ATP11B: variants seen among roughly 807,000 people sequenced by gnomAD.
ATP11B encodes the protein ATPase phospholipid transporting 11B (putative), also known as phospholipid-transporting ATPase IF.
A neutral mutation model predicts 157.8 loss-of-function variants in ATP11B; 81 were observed. That is an observed-to-expected ratio of 0.51 (90% CI 0.43 to 0.62). ATP11B has a LOEUF of 0.62. ATP11B is among the 20% of genes least tolerant of loss of function. The pLI, the probability that ATP11B is intolerant of heterozygous loss-of-function variation, is 0.00. For missense variants in ATP11B, 1,165 were observed against 1,402.2 expected (o/e 0.83, Z 2.70); for synonymous variants, 451 against 469.4 (o/e 0.96, Z 0.51).
chr3:182,859,420 G>C, intron 12 of ATP11B, 61 bp downstream of exon 12: 1 of 1,383,578 alleles, frequency 7.2e-7, no homozygotes, highest in East Asian at 2.5e-5. Flanking sequence ...GCAATACATG[G>C]ACAAAGATTA....
intron 15 of ATP11B, 135 bp downstream of exon 15, chr3:182,867,579 C>CT (rs386398716): frequency 0.15 from 22,096 of 152,176 alleles, 1,570 homozygotes; most frequent in African/African-American, 0.21. Flanking sequence ...AGTCACATTA[C>CT]TTTTTTTTTT....
intron 1 of ATP11B, among the ~76,000 whole-genome samples, chr3:182,820,014 T>G (rs914672816): frequency 1.5e-4 from 23 of 152,252 alleles, no homozygotes; most frequent in Admixed American, 1.4e-3. Flanking sequence ...CTGGAGATAA[T>G]GTACCTGTTT....
chr3:182,877,673 G>A (rs977662368), intron 19 of ATP11B, among the ~76,000 whole-genome samples: 5 of 152,014 alleles, frequency 3.3e-5, no homozygotes, highest in African/African-American at 1.2e-4. Context: ...GGGGCAGTGC[G>A]TGCAGATTCC....
chr3:182,915,968 G>T (rs1725114843), intron 29 of ATP11B: 1 of 983,528 alleles, frequency 1.0e-6, no homozygotes, highest in South Asian at 4.7e-5. Context: ...TTATATTATT[G>T]GTTACTATTA....
intron 8 of ATP11B, among the ~76,000 whole-genome samples, chr3:182,845,129 T>A (rs1373416198): frequency 6.6e-6 from 1 of 151,964 alleles, no homozygotes. Flanking sequence ...CTTAGCCTCC[T>A]GAGTAGCTGG....
intron 19 of ATP11B, among the ~76,000 whole-genome samples, chr3:182,878,271 A>G (rs1722183632): frequency 6.6e-6 from 1 of 152,226 alleles, no homozygotes; most frequent in South Asian, 2.1e-4. Context: ...AAATCTATCA[A>G]TATATGTTTA....
intron 21 of ATP11B, among the ~76,000 whole-genome samples, chr3:182,882,929 A>G (rs573599592): frequency 6.6e-6 from 1 of 152,312 alleles, no homozygotes; most frequent in Non-Finnish European, 1.5e-5. Flanking sequence ...ATGTATGAAA[A>G]AAATGTTTAG....
intron 2 of ATP11B, among the ~76,000 whole-genome samples, chr3:182,822,435 A>G (rs1717423493): frequency 6.6e-6 from 1 of 152,214 alleles, no homozygotes; most frequent in South Asian, 2.1e-4. Context: ...TGTCCCTGCA[A>G]AGGACATGAA....
In ATP11B at chr3:182,806,305, A is replaced by G. The variant is rs151115352; in HGVS notation, c.27+12519A>G. On this transcript the variant is annotated intron_variant, in intron 1 of 29. Coordinates refer to ENST00000323116, the MANE Select transcript of ATP11B (RefSeq NM_014616.3). ...TTTTAAGATTATCTTTGTCCTTGAT[A>G]TTTTGTAATTTTACTGTGATGTATC... Among the ~76,000 whole-genome samples the G allele has an allele frequency of 8.4e-4, 128 of 152,182 alleles. 2 individuals carry two copies. In the East Asian group the frequency reaches 0.019, roughly 23 times the overall value.
At chr3:182,864,676 G>A (rs1721094471) in intron 12 of ATP11B, among the ~76,000 whole-genome samples, 1 of 151,784 alleles carries the variant, frequency 6.6e-6, no homozygotes, top group Admixed American at 6.6e-5. Flanking sequence ...TCTTTATAAG[G>A]GATGTTGATC....
At chr3:182,852,134 TA>T (rs1720026305) in intron 10 of ATP11B, among the ~76,000 whole-genome samples, 1 of 152,168 alleles carries the variant, frequency 6.6e-6, no homozygotes, top group South Asian at 2.1e-4. Flanking sequence ...AATCTGCAAA[TA>T]TTTTGAAATT....
chr3:182,914,506 A>G (rs1380025213), intron 29 of ATP11B: 4 of 985,034 alleles, frequency 4.1e-6, no homozygotes, highest in Non-Finnish European at 4.8e-6. Flanking sequence ...CTGCTCCCCT[A>G]CCTCTTCTTA....
rs776646268 is a variant in ATP11B at position 182,889,521 on chromosome 3, A to G, written c.2955A>G (p.Lys985=). ...FFFGSYLLIG[K]DTSLLGNGQM... is the part of the protein sequence containing the mutation. Reference sequence around the variant, plus strand: ...TTGGATCCTATTTACTAATAGGGAAAGATACATCTCTGCTTGGAAATGGCC... The same window carrying G: ...TTGGATCCTATTTACTAATAGGGAAGGATACATCTCTGCTTGGAAATGGCC... Residue 985 remains lysine, a synonymous_variant, in exon 25 of 30, where the codon AAA becomes AAG. Transcript: ENST00000323116. 10 of 1,564,268 alleles carry G rather than the reference A, an allele frequency of 6.4e-6. No individual in the cohort carries two copies. The highest frequency in any genetic ancestry group is 4.8e-5 in the East Asian group (2 of 41,800).
At chr3:182,824,580 T>C (rs1717592483) in intron 2 of ATP11B, among the ~76,000 whole-genome samples, 1 of 152,226 alleles carries the variant, frequency 6.6e-6, no homozygotes, top group Non-Finnish European at 1.5e-5. Flanking sequence ...TTGTCAATAG[T>C]GGAAACTGAG....
chr3:182,918,339 C>A lies in ATP11B; in HGVS notation c.*235C>A. On this transcript the variant is annotated 3_prime_UTR_variant, in exon 30 of 30. Transcript: ENST00000323116. The stretch of plus-strand genomic sequence containing the variant: ...TTGAGAATAAAGAGACATTTTTCAT[C>A]TCTTTGTCTGGTTTGTCCCTTGTGC... 1 of 504,256 alleles carries A rather than the reference C, an allele frequency of 2.0e-6. No individual in the cohort carries two copies. The highest frequency in any genetic ancestry group is 3.2e-5 in the East Asian group (1 of 30,864). The allele number at this position is 504,256 out of a possible 1,614,324, so 31.2% of individuals were successfully genotyped here. A position where few individuals can be genotyped will look rare whatever the true frequency, so the allele number is the denominator to read the frequency against.
chr3:182,802,227 C>A (rs1303457289), intron 1 of ATP11B, among the ~76,000 whole-genome samples: 1 of 152,174 alleles, frequency 6.6e-6, no homozygotes, highest in Non-Finnish European at 1.5e-5. Flanking sequence ...CTACTGCTAC[C>A]TCTTACCTAG....
chr3:182,861,921 GCAA>G (rs1228245767), intron 12 of ATP11B, among the ~76,000 whole-genome samples: 1 of 142,232 alleles, frequency 7.0e-6, no homozygotes, highest in East Asian at 2.0e-4. Flanking sequence ...TCCAGCCTGG[GCAA>G]CAGAGTGAGA....
chr3:182,874,715 T>C (rs1281034544), intron 19 of ATP11B, among the ~76,000 whole-genome samples: 1 of 152,222 alleles, frequency 6.6e-6, no homozygotes, highest in Non-Finnish European at 1.5e-5. Context: ...ACATTTGCAA[T>C]GTTAACTTTG....
At chr3:182,832,696 A>C (rs1484145927) in intron 4 of ATP11B, among the ~76,000 whole-genome samples, 1 of 152,120 alleles carries the variant, frequency 6.6e-6, no homozygotes, top group Admixed American at 6.6e-5. Flanking sequence ...GCTTCTCCCA[A>C]CTGTATTTAC....
Sources: allele counts gnomAD v4.1 joint callset (sites outside exome capture counted in the v4.1 genomes callset), GRCh38; gene constraint gnomAD v4.1.1; transcripts MANE v1.5; gene names NCBI Gene and HGNC (gene_info 2026-07-23, HGNC 2026-07-21).